SEMA3D: variants seen among roughly 807,000 people sequenced by gnomAD.
The protein encoded by SEMA3D is semaphorin-3D.
In SEMA3D, 84 loss-of-function variants were observed where a neutral mutation model predicts 100.1. The observed-to-expected ratio is 0.84, with a 90% confidence interval of 0.70 to 1.01. The LOEUF is 1.01. SEMA3D is among the 50% of genes least tolerant of loss of function. The pLI is 0.00. For missense variants in SEMA3D, 875 were observed against 934.1 expected (o/e 0.94, Z 0.82); for synonymous variants, 312 against 320.7 (o/e 0.97, Z 0.29).
chr7:85,158,538 A>G (rs1410362809), intron 1 of SEMA3D, among the ~76,000 whole-genome samples: 4 of 152,182 alleles, frequency 2.6e-5, no homozygotes, highest in East Asian at 1.9e-4. Context: ...TGCCTGCCTG[A>G]AACTTCATTA....
At chr7:85,184,728 C>T (rs1791494062) in intron 1 of SEMA3D, among the ~76,000 whole-genome samples, 1 of 152,220 alleles carries the variant, frequency 6.6e-6, no homozygotes, top group Non-Finnish European at 1.5e-5. Flanking sequence ...TGACCCTACT[C>T]TTATCTCGTC....
At chr7:85,112,367 T>C (rs920458469) in intron 3 of SEMA3D, among the ~76,000 whole-genome samples, 2 of 152,186 alleles carry the variant, frequency 1.3e-5, no homozygotes, top group African/African-American at 4.8e-5. Flanking sequence ...AAAAGGAATT[T>C]TGAAGTTTTT....
chr7:85,163,009 G>A (rs767482109), intron 1 of SEMA3D: 58 of 927,332 alleles, frequency 6.3e-5, no homozygotes, highest in Non-Finnish European at 6.6e-5. Flanking sequence ...GTGAGCTAAC[G>A]AGAAGGAAAG....
the SEMA3D span, among the ~76,000 whole-genome samples, chr7:85,241,675 A>C: frequency 6.6e-6 from 1 of 150,926 alleles, no homozygotes; most frequent in African/African-American, 2.4e-5. Context: ...CAGTGGGGAA[A>C]GGGTAGGAAG....
intron 2 of SEMA3D, chr7:85,144,318 A>C (rs1790138167): frequency 3.6e-6 from 1 of 278,466 alleles, no homozygotes; most frequent in African/African-American, 2.3e-5. Flanking sequence ...CAAATGTAAA[A>C]GTTTTCTGAT....
intron 3 of SEMA3D, among the ~76,000 whole-genome samples, chr7:85,115,260 G>A (rs1337993571): frequency 1.3e-5 from 2 of 152,098 alleles, no homozygotes; most frequent in South Asian, 2.1e-4. Context: ...GTTGAACCAC[G>A]AATTAAATTT....
At chr7:85,178,916 G>A (rs1484230795) in intron 1 of SEMA3D, among the ~76,000 whole-genome samples, 1 of 152,134 alleles carries the variant, frequency 6.6e-6, no homozygotes, top group Admixed American at 6.5e-5. Flanking sequence ...CTCCAGCCGT[G>A]GCTAAAAGGG....
At chr7:85,160,330 T>C (rs1191646764) in intron 1 of SEMA3D, among the ~76,000 whole-genome samples, 1 of 151,236 alleles carries the variant, frequency 6.6e-6, no homozygotes, top group Non-Finnish European at 1.5e-5. Flanking sequence ...ATGGGTCTGA[T>C]GAAATATAGA....
At position 84,997,778 on chromosome 7, in the gene SEMA3D, C is replaced by G. The variant is rs374821120; in HGVS notation, c.*1662G>C. ...ATGTCTGTTATTTTCTGAAAAGCTG[C>G]CTTCCATGTGAGGAAGTGACTAATT... On this transcript the variant is annotated 3_prime_UTR_variant, in exon 19 of 19. Coordinates refer to ENST00000284136, the MANE Select transcript of SEMA3D (RefSeq NM_001384900.1). 60 of 152,484 alleles carry G rather than the reference C, an allele frequency of 3.9e-4. No homozygotes were observed. Among genetic ancestry groups the G allele is most frequent in the African/African-American group, 1.2e-3 (48 of 41,520 alleles). The allele number at this position is 152,484 out of a possible 1,614,324, so 9.4% of individuals were successfully genotyped here.
At chr7:85,054,748 C>A (rs1791260813) in intron 9 of SEMA3D, among the ~76,000 whole-genome samples, 1 of 152,006 alleles carries the variant, frequency 6.6e-6, no homozygotes, top group Admixed American at 6.6e-5. Flanking sequence ...TTGTACAAGA[C>A]CAAAGAAAGC....
chr7:85,015,320 G>T, intron 15 of SEMA3D, 104 bp from the exon 16 acceptor site: 3 of 1,065,812 alleles, frequency 2.8e-6, no homozygotes, highest in South Asian at 3.2e-5. Context: ...TGTTTCTCTG[G>T]GTGTCCTGCC....
chr7:85,001,362 C>T (rs898639299), intron 18 of SEMA3D, among the ~76,000 whole-genome samples: 17 of 152,144 alleles, frequency 1.1e-4, no homozygotes, highest in African/African-American at 4.1e-4. Flanking sequence ...TTCTTAAAGC[C>T]CAGACATTTA....
At chr7:85,115,740 C>T (rs184239342) in intron 3 of SEMA3D, among the ~76,000 whole-genome samples, 1 of 152,222 alleles carries the variant, frequency 6.6e-6, no homozygotes. Context: ...TCTATACTCT[C>T]AGAAAATTTC....
intron 8 of SEMA3D, among the ~76,000 whole-genome samples, chr7:85,065,108 A>G (rs1320439640): frequency 6.6e-6 from 1 of 152,160 alleles, no homozygotes; most frequent in Non-Finnish European, 1.5e-5. Context: ...GTACTTCAGT[A>G]TTTTTATAGC....
At chr7:85,035,069 A>G (rs1790654393) in intron 12 of SEMA3D, among the ~76,000 whole-genome samples, 1 of 152,012 alleles carries the variant, frequency 6.6e-6, no homozygotes, top group Non-Finnish European at 1.5e-5. Context: ...AGACATGGAA[A>G]CAACCTAAAT....
chr7:85,245,684 A>G, the SEMA3D span, among the ~76,000 whole-genome samples: 1 of 152,180 alleles, frequency 6.6e-6, no homozygotes, highest in Non-Finnish European at 1.5e-5. Flanking sequence ...GTGAGTAATT[A>G]TCAATCTTTC....
the SEMA3D span, among the ~76,000 whole-genome samples, chr7:85,244,808 T>C: frequency 2.0e-5 from 3 of 150,978 alleles, no homozygotes; most frequent in Non-Finnish European, 4.4e-5. Context: ...AGTCCTGGGT[T>C]CAAGTGATTC....
At chr7:85,203,425 G>C in the SEMA3D span, among the ~76,000 whole-genome samples, 3 of 152,096 alleles carry the variant, frequency 2.0e-5, no homozygotes, top group African/African-American at 7.2e-5. Flanking sequence ...TTTTATTGGA[G>C]TTCAGAAGAA....
At chr7:85,140,120 T>C (rs747100176) in intron 2 of SEMA3D, 2 of 371,524 alleles carry the variant, frequency 5.4e-6, no homozygotes, top group Non-Finnish European at 7.4e-6. Flanking sequence ...ATCATATAAT[T>C]TTCAAAATGT....
Sources: allele counts gnomAD v4.1 joint callset (sites outside exome capture counted in the v4.1 genomes callset), GRCh38; gene constraint gnomAD v4.1.1; transcripts MANE v1.5; gene names NCBI Gene and HGNC (gene_info 2026-07-23, HGNC 2026-07-21).